Variants in PRKCA observed in about 807,000 individuals in gnomAD.
The protein encoded by PRKCA is protein kinase C alpha type.
A neutral mutation model predicts 87.0 loss-of-function variants in PRKCA; 27 were observed. That is an observed-to-expected ratio of 0.31 (90% CI 0.23 to 0.43). PRKCA has a LOEUF of 0.43. Among genes scored for constraint, PRKCA ranks in the 20% least tolerant of loss-of-function variants. The probability of loss-of-function intolerance (pLI) is 1.00; values close to 1 mark genes in which losing one functional copy is unlikely to be tolerated. For synonymous variants in PRKCA, 329 were observed against 311.1 expected (o/e 1.06, Z -0.61); for missense variants, 518 against 852.3 (o/e 0.61, Z 4.88).
chr17:66,337,326 A>G (rs1346401507), intron 2 of PRKCA, among the ~76,000 whole-genome samples: 1 of 152,216 alleles, frequency 6.6e-6, no homozygotes, highest in Non-Finnish European at 1.5e-5. Flanking sequence ...CTCAACATGT[A>G]AAGATTTTCC....
At chr17:66,777,746 C>G in intron 14 of PRKCA, 1 of 985,380 alleles carries the variant, frequency 1.0e-6, no homozygotes, top group Non-Finnish European at 1.2e-6. Context: ...TGCTAACATG[C>G]AAAAGGGGCT....
chr17:66,356,768 A>G (rs1908082070), intron 2 of PRKCA, among the ~76,000 whole-genome samples: 1 of 152,230 alleles, frequency 6.6e-6, no homozygotes, highest in Non-Finnish European at 1.5e-5. Flanking sequence ...TTTTTTAAAA[A>G]ATAGGGTCTT....
chr17:66,312,935 C>T (rs1371592668), intron 2 of PRKCA, among the ~76,000 whole-genome samples: 1 of 151,828 alleles, frequency 6.6e-6, no homozygotes, highest in Non-Finnish European at 1.5e-5. Flanking sequence ...GACGGGGTGT[C>T]GCCATGTTGG....
intron 8 of PRKCA, 93 bp from the exon 9 acceptor site, chr17:66,732,595 G>A (rs1973929853): frequency 6.6e-7 from 1 of 1,516,504 alleles, no homozygotes. Flanking sequence ...CCACCTCCAA[G>A]CAAACATTAA....
At chr17:66,665,202 C>A (rs1412187363) in intron 5 of PRKCA, among the ~76,000 whole-genome samples, 1 of 152,188 alleles carries the variant, frequency 6.6e-6, no homozygotes, top group Non-Finnish European at 1.5e-5. Context: ...CTTGTATAAT[C>A]TTTTTTAATA....
Position 66,537,344 on chromosome 17 carries a change from G to T in PRKCA, c.288+41061G>T, listed in dbSNP as rs571248167. ...TTGAGAAAGTACAAAATTTTGAAAT[G>T]AACTCTAACCTTATGAGTCTGTTGC... On this transcript the variant is annotated intron_variant, in intron 3 of 16. Coordinates refer to ENST00000413366, the MANE Select transcript of PRKCA (RefSeq NM_002737.3). 3.3e-4 allele frequency among the ~76,000 whole-genome samples: 50 copies of T among 152,300 alleles called. 1 individual carries two copies. Among genetic ancestry groups the T allele is most frequent in the Middle Eastern group, 6.8e-3 (2 of 294 alleles).
At chr17:66,702,336 A>G (rs1973084933) in intron 8 of PRKCA, among the ~76,000 whole-genome samples, 2 of 152,164 alleles carry the variant, frequency 1.3e-5, no homozygotes, top group African/African-American at 4.8e-5. Context: ...CAGAAACACA[A>G]ATAGTGCATG....
intron 2 of PRKCA, among the ~76,000 whole-genome samples, chr17:66,437,757 C>A (rs1174062325): frequency 1.2e-5 from 1 of 85,192 alleles, no homozygotes; most frequent in Non-Finnish European, 2.3e-5. Context: ...GGGGCGGGGG[C>A]GGCTTCAAAC....
intron 3 of PRKCA, among the ~76,000 whole-genome samples, chr17:66,523,502 T>C (rs756540026): frequency 1.3e-5 from 2 of 152,172 alleles, no homozygotes; most frequent in Non-Finnish European, 2.9e-5. Context: ...TTAGATGAAA[T>C]AATGCATTTA....
chr17:66,545,277 A>G (rs1301784306), intron 3 of PRKCA, among the ~76,000 whole-genome samples: 1 of 152,104 alleles, frequency 6.6e-6, no homozygotes, highest in East Asian at 1.9e-4. Flanking sequence ...AAAATACAAA[A>G]AATTAGCCAG....
At chr17:66,570,070 A>C (rs1969029861) in intron 3 of PRKCA, among the ~76,000 whole-genome samples, 1 of 152,156 alleles carries the variant, frequency 6.6e-6, no homozygotes, top group South Asian at 2.1e-4. Flanking sequence ...CTGAATGAAA[A>C]ACCTGTTATG....
At chr17:66,801,393 T>C (rs1229850792) in intron 16 of PRKCA, among the ~76,000 whole-genome samples, 1 of 152,176 alleles carries the variant, frequency 6.6e-6, no homozygotes, top group East Asian at 1.9e-4. Flanking sequence ...ATGGGTTCCC[T>C]GGGGGAAGAA....
chr17:66,699,485 T>C (rs1369302953), intron 8 of PRKCA, among the ~76,000 whole-genome samples: 2 of 152,064 alleles, frequency 1.3e-5, no homozygotes, highest in African/African-American at 2.4e-5. Flanking sequence ...CATAAAGAAA[T>C]AGAAAATCTG....
intron 3 of PRKCA, among the ~76,000 whole-genome samples, chr17:66,604,822 A>C (rs901862074): frequency 6.6e-6 from 1 of 152,196 alleles, no homozygotes; most frequent in Non-Finnish European, 1.5e-5. Context: ...TTATGATTGC[A>C]CTTCTAGGAT....
chr17:66,754,692 C>T (rs909347807), intron 13 of PRKCA, among the ~76,000 whole-genome samples: 22 of 152,064 alleles, frequency 1.4e-4, no homozygotes, highest in African/African-American at 5.1e-4. Context: ...AAGAAGTTTG[C>T]TGGGCATGGC....
At chr17:66,469,875 G>A (rs76630283) in intron 2 of PRKCA, among the ~76,000 whole-genome samples, 5,663 of 152,204 alleles carry the variant, frequency 0.037, 145 homozygotes, top group Admixed American at 0.055. Context: ...AGTCTTAGAG[G>A]AAACATAAAC....
chr17:66,464,150 G>A (rs1567842745), intron 2 of PRKCA, among the ~76,000 whole-genome samples: 1 of 152,012 alleles, frequency 6.6e-6, no homozygotes, highest in Admixed American at 6.6e-5. Context: ...TTTCAGATTG[G>A]CTTCTTACAC....
intron 10 of PRKCA, among the ~76,000 whole-genome samples, chr17:66,736,882 A>G (rs1019790564): frequency 6.6e-6 from 1 of 152,224 alleles, no homozygotes; most frequent in African/African-American, 2.4e-5. Flanking sequence ...TTGCACCATG[A>G]AGGCAGAGTT....
intron 13 of PRKCA, among the ~76,000 whole-genome samples, chr17:66,773,632 G>A (rs928009505): frequency 6.6e-6 from 1 of 151,774 alleles, no homozygotes; most frequent in African/African-American, 2.4e-5. Flanking sequence ...GGGATTAGAG[G>A]TGTGAGCTGC....
Sources: gnomAD v4.1 joint callset for allele counts (sites outside exome capture counted in the v4.1 genomes callset) on GRCh38, gnomAD v4.1.1 for gene constraint, MANE v1.5 for transcripts, NCBI Gene and HGNC (gene_info 2026-07-23, HGNC 2026-07-21) for gene names.